VAT1L: variants seen among roughly 807,000 people sequenced by gnomAD.
The protein encoded by VAT1L is putative NADPH-dependent quinone oxidoreductase VAT1L.
Under a neutral mutation model 44.1 loss-of-function variants are expected in VAT1L, and 34 were observed. That is an observed-to-expected ratio of 0.77 (90% CI 0.59 to 1.03). The LOEUF (loss-of-function observed/expected upper bound fraction) is 1.03. Among genes scored for constraint, VAT1L ranks in the 50% least tolerant of loss-of-function variants. The probability of loss-of-function intolerance (pLI) is 0.00; values close to 1 mark genes in which losing one functional copy is unlikely to be tolerated. For missense variants in VAT1L, 615 were observed against 538.8 expected, an observed-to-expected ratio of 1.14 and a Z score of -1.40; for synonymous variants, 253 against 202.2, an observed-to-expected ratio of 1.25 and a Z score of -2.13.
At chr16:77,965,205 C>T (rs1443180342) in intron 7 of VAT1L, among the ~76,000 whole-genome samples, 1 of 152,152 alleles carries the variant, frequency 6.6e-6, no homozygotes, top group African/African-American at 2.4e-5. Flanking sequence ...GGCTTTGGTT[C>T]TGTTGAATGA....
At chr16:77,919,967 C>T (rs924214897) in intron 7 of VAT1L, among the ~76,000 whole-genome samples, 1 of 152,008 alleles carries the variant, frequency 6.6e-6, no homozygotes, top group African/African-American at 2.4e-5. Context: ...GCCTGTAATC[C>T]CAGCCTCTTG....
At chr16:77,822,196 G>A (rs1037667590) in intron 2 of VAT1L, among the ~76,000 whole-genome samples, 1 of 152,164 alleles carries the variant, frequency 6.6e-6, no homozygotes, top group South Asian at 2.1e-4. Context: ...GTGCAATGGT[G>A]CGATCCTGGC....
chr16:77,942,469 G>T (rs776461876), intron 7 of VAT1L, among the ~76,000 whole-genome samples: 1 of 152,174 alleles, frequency 6.6e-6, no homozygotes, highest in South Asian at 2.1e-4. Flanking sequence ...ATACAATTGT[G>T]AAGAGAGGAG....
At chr16:77,916,645 G>A (rs528474355) in intron 7 of VAT1L, among the ~76,000 whole-genome samples, 75 of 152,066 alleles carry the variant, frequency 4.9e-4, no homozygotes, top group Non-Finnish European at 1.0e-3. Context: ...ACATAAGAGC[G>A]TTTTGTAAAT....
At chr16:77,873,451 T>A (rs1445743507) in intron 4 of VAT1L, among the ~76,000 whole-genome samples, 4 of 152,216 alleles carry the variant, frequency 2.6e-5, no homozygotes, top group Admixed American at 1.3e-4. Context: ...ACTGTTTTCT[T>A]CATCATCTTT....
At chr16:77,806,349 A>G (rs1419020957) in intron 1 of VAT1L, among the ~76,000 whole-genome samples, 1 of 152,190 alleles carries the variant, frequency 6.6e-6, no homozygotes, top group Non-Finnish European at 1.5e-5. Context: ...AGCTGAGACT[A>G]CAGGTGCCCA....
chr16:77,803,922 G>C (rs1423466437), intron 1 of VAT1L, among the ~76,000 whole-genome samples: 2 of 152,172 alleles, frequency 1.3e-5, no homozygotes, highest in Non-Finnish European at 2.9e-5. Context: ...CGCCCATTCA[G>C]TGATACTTTC....
intron 1 of VAT1L, among the ~76,000 whole-genome samples, chr16:77,789,635 G>A (rs1401143007): frequency 6.6e-6 from 1 of 151,994 alleles, no homozygotes; most frequent in East Asian, 1.9e-4. Context: ...TGAGGGTGGA[G>A]ACCAGGGCTG....
At chr16:77,912,324 ATAATAT>A (rs1365848749) in intron 7 of VAT1L, among the ~76,000 whole-genome samples, 1 of 152,256 alleles carries the variant, frequency 6.6e-6, no homozygotes, top group African/African-American at 2.4e-5. Flanking sequence ...AGTCTTTCAT[ATAATAT>A]GAGTTCAATA....
At position 77,961,350 on chromosome 16, in the gene VAT1L, T is replaced by C. The variant is rs562744905; in HGVS notation, c.1078-10500T>C. Among the ~76,000 whole-genome samples the C allele has an allele frequency of 2.8e-3, 425 of 152,278 alleles. 4 individuals carry two copies. The highest frequency in any genetic ancestry group is 0.024 in the South Asian group (117 of 4,826). On this transcript the variant is annotated intron_variant, in intron 7 of 8. Coordinates refer to ENST00000302536, the MANE Select transcript of VAT1L (RefSeq NM_020927.3). ...ATCACCATGAACCGGGTTCAAGGGC[T>C]TCCTTCCAGTCTTTCTCCTTCCTCC...
chr16:77,796,159 A>G lies in VAT1L; in HGVS notation c.233+7244A>G, dbSNP rs2015930119. Among the ~76,000 whole-genome samples, 3 of 152,140 alleles carry G rather than the reference A, an allele frequency of 2.0e-5. No individual in the cohort carries two copies. In the South Asian group the frequency reaches 6.2e-4, roughly 31 times the overall value. On this transcript the variant is annotated intron_variant, in intron 1 of 8. Coordinates refer to ENST00000302536, the MANE Select transcript of VAT1L (RefSeq NM_020927.3). ...TAGCTCTCTAAGTCTTATTTGCTTT[A>G]CTTACAAAATGGAGATACAACCTTA...
chr16:77,893,719 C>T (rs2017292192), intron 7 of VAT1L, among the ~76,000 whole-genome samples: 1 of 152,188 alleles, frequency 6.6e-6, no homozygotes, highest in African/African-American at 2.4e-5. Context: ...TTATTATCCC[C>T]ATCTTACAGA....
At chr16:77,801,378 G>C (rs2016048861) in intron 1 of VAT1L, 1 of 152,080 alleles carries the variant, frequency 6.6e-6, no homozygotes. Flanking sequence ...AGAACATTCA[G>C]TAATAGCTGA....
At chr16:77,955,986 A>G (rs895380250) in intron 7 of VAT1L, among the ~76,000 whole-genome samples, 3 of 152,176 alleles carry the variant, frequency 2.0e-5, no homozygotes, top group Non-Finnish European at 4.4e-5. Context: ...ACCTTAAGCA[A>G]AAACAATGGG....
chr16:77,841,602 A>G (rs1448139967), intron 3 of VAT1L, among the ~76,000 whole-genome samples: 1 of 152,190 alleles, frequency 6.6e-6, no homozygotes, highest in Non-Finnish European at 1.5e-5. Context: ...CTCTATGTCA[A>G]AGAGCTGACA....
At chr16:77,940,471 G>C (rs71396130) in intron 7 of VAT1L, among the ~76,000 whole-genome samples, 15 of 150,976 alleles carry the variant, frequency 9.9e-5, no homozygotes, top group Non-Finnish European at 1.8e-4. Context: ...AGCCTCCTGA[G>C]TAGCTGGGAT....
At position 77,792,380 on chromosome 16, in the gene VAT1L, G is replaced by A. The variant is rs7498189; in HGVS notation, c.233+3465G>A. On this transcript the variant is annotated intron_variant, in intron 1 of 8. Transcript: ENST00000302536. ...GATGTCTTAGGTCTGGCTCCTTGGA[G>A]GCAGAACCTGACGCAGGGATCCTTT... is the stretch of plus-strand genomic sequence containing the variant. 9.4e-3 allele frequency among the ~76,000 whole-genome samples: 1,436 copies of A among 152,190 alleles called. 25 individuals are homozygous for A. The highest frequency in any genetic ancestry group is 0.032 in the African/African-American group (1,328 of 41,518).
At chr16:77,793,530 G>A (rs1463545240) in intron 1 of VAT1L, among the ~76,000 whole-genome samples, 2 of 152,202 alleles carry the variant, frequency 1.3e-5, no homozygotes, top group East Asian at 1.9e-4. Flanking sequence ...GACCGGGGCT[G>A]CTAGGATTTT....
At chr16:77,883,810 T>G in intron 6 of VAT1L, among the ~76,000 whole-genome samples, 1 of 152,114 alleles carries the variant, frequency 6.6e-6, no homozygotes. Flanking sequence ...CCTCCCCAGA[T>G]TTAGCCTTAT....
Sources: allele counts gnomAD v4.1 joint callset (sites outside exome capture counted in the v4.1 genomes callset), GRCh38; gene constraint gnomAD v4.1.1; transcripts MANE v1.5; gene names NCBI Gene and HGNC (gene_info 2026-07-23, HGNC 2026-07-21).